WDR49: variants seen among roughly 807,000 people sequenced by gnomAD.
WDR49 encodes the protein cilia- and flagella-associated protein 337.
In WDR49, 107 loss-of-function variants were observed where a neutral mutation model predicts 119.5. The ratio of observed to expected loss-of-function variants is 0.90; its 90% CI spans 0.77 to 1.05. WDR49 has a LOEUF of 1.05. WDR49 is among the 50% of genes least tolerant of loss of function. The probability of loss-of-function intolerance (pLI) is 0.00; values close to 1 mark genes in which losing one functional copy is unlikely to be tolerated. For missense variants in WDR49, 1,240 were observed against 1,220.5 expected (o/e 1.02, Z -0.24); for synonymous variants, 425 against 418.8 (o/e 1.01, Z -0.18).
At chr3:167,581,752 T>C (rs909272534) in intron 7 of WDR49, among the ~76,000 whole-genome samples, 3 of 152,188 alleles carry the variant, frequency 2.0e-5, no homozygotes, top group Non-Finnish European at 4.4e-5. Flanking sequence ...TAAATAGATG[T>C]GTGAATGGAT....
chr3:167,627,172 C>T lies in WDR49; in HGVS notation c.286G>A (p.Ala96Thr), dbSNP rs1259854637. The T allele has an allele frequency of 4.8e-6, 6 of 1,259,704 alleles. No individual in the cohort carries two copies. The highest frequency in any genetic ancestry group is 6.0e-6 in the Non-Finnish European group (6 of 1,003,578). The allele number at this position is 1,259,704 out of a possible 1,614,324, so 78.0% of individuals were successfully genotyped here. A position where few individuals can be genotyped will look rare whatever the true frequency, so the allele number is the denominator to read the frequency against. ...YGELFDKVDV[A>T]QDGFINWDKL... ...TCCCAATTAATGAAGCCATCTTGGG[C>T]CACATCCACTTTGTCAAAGAGCTCC... The change falls in exon 3 of 19, where the codon GCC becomes ACC. Residue 96 changes from alanine (A) to threonine (T), a missense_variant. Ala to Thr is a moderately conservative substitution (Grantham distance 58). Coordinates refer to ENST00000682715, the MANE Select transcript of WDR49 (RefSeq NM_001366157.1).
intron 7 of WDR49, among the ~76,000 whole-genome samples, chr3:167,587,010 A>G (rs900183154): frequency 5.9e-5 from 9 of 152,258 alleles, no homozygotes; most frequent in East Asian, 1.9e-4. Context: ...TTTATTGGGG[A>G]CCTGGTATAT....
At chr3:167,525,478 TG>T (rs1245643557) in intron 15 of WDR49, among the ~76,000 whole-genome samples, 1 of 152,116 alleles carries the variant, frequency 6.6e-6, no homozygotes, top group Non-Finnish European at 1.5e-5. Context: ...ATTGTTTAAA[TG>T]TGGGCAACTA....
At chr3:167,604,913 T>C (rs1386890802) in intron 5 of WDR49, among the ~76,000 whole-genome samples, 2 of 152,140 alleles carry the variant, frequency 1.3e-5, no homozygotes, top group Admixed American at 1.3e-4. Context: ...CCTCCAGAAC[T>C]GTGAGAATAA....
upstream of WDR49, among the ~76,000 whole-genome samples, chr3:167,657,566 A>G (rs551157457): frequency 2.8e-5 from 4 of 142,038 alleles, no homozygotes; most frequent in African/African-American, 1.0e-4. Flanking sequence ...ACCAACATAT[A>G]GATCTCCCTT....
Position 167,626,970 on chromosome 3 carries a change from A to G in WDR49, c.488T>C (p.Leu163Ser). The G allele has an allele frequency of 7.5e-7, 1 of 1,339,188 alleles. No individual in the cohort carries two copies. The highest frequency in any genetic ancestry group is 9.6e-7 in the Non-Finnish European group (1 of 1,046,710). 83.0% of individuals were successfully genotyped at this position (1,339,188 alleles called of 1,614,324 possible). The change falls in exon 3 of 19, where the codon TTA (leucine) becomes TCA (serine). Residue 163 changes from leucine to serine, a missense_variant. Leu to Ser is a moderately radical substitution (Grantham distance 145). Transcript: ENST00000682715. ...SHYLTISKEG[L>S]LAIWGEHLKL... ...TAAATGCTCTCCCCAGATTGCCAAT[A>G]AACCTTCTTTACTAATTGTCAGATA... is the stretch of plus-strand genomic sequence containing the variant.
intron 16 of WDR49, among the ~76,000 whole-genome samples, chr3:167,506,141 G>C (rs2108214944): frequency 6.6e-6 from 1 of 152,274 alleles, no homozygotes; most frequent in Non-Finnish European, 1.5e-5. Flanking sequence ...TGGGGATCTT[G>C]ACTCACCCTC....
At chr3:167,541,308 C>A (rs1435983853) in intron 10 of WDR49, among the ~76,000 whole-genome samples, 1 of 152,130 alleles carries the variant, frequency 6.6e-6, no homozygotes, top group Non-Finnish European at 1.5e-5. Flanking sequence ...GCAAAAGCAT[C>A]AGCTAATCTA....
intron 7 of WDR49, among the ~76,000 whole-genome samples, chr3:167,587,490 A>G (rs1357517804): frequency 1.3e-5 from 2 of 151,766 alleles, no homozygotes; most frequent in Admixed American, 6.6e-5. Flanking sequence ...CTTTTTTTTC[A>G]CTTTTTCTTT....
intron 11 of WDR49, among the ~76,000 whole-genome samples, chr3:167,536,041 A>G (rs1445294669): frequency 6.6e-6 from 1 of 152,098 alleles, no homozygotes; most frequent in Admixed American, 6.6e-5. Flanking sequence ...TTATTCTCAT[A>G]AAAGCAGAGT....
intron 2 of WDR49, among the ~76,000 whole-genome samples, chr3:167,645,754 T>C (rs1383898878): frequency 6.6e-6 from 1 of 152,116 alleles, no homozygotes; most frequent in East Asian, 1.9e-4. Context: ...TCATGGCCTC[T>C]CTCCTCCAGA....
At chr3:167,515,402 A>G (rs1021355371) in intron 16 of WDR49, among the ~76,000 whole-genome samples, 1 of 152,214 alleles carries the variant, frequency 6.6e-6, no homozygotes, top group Non-Finnish European at 1.5e-5. Flanking sequence ...GATTACCTCA[A>G]TAGGTACAGA....
chr3:167,569,197 C>T (rs1377986102), intron 8 of WDR49, among the ~76,000 whole-genome samples: 4 of 152,156 alleles, frequency 2.6e-5, no homozygotes, highest in Non-Finnish European at 5.9e-5. Flanking sequence ...CCTCCTTGGC[C>T]TCCCAAAGTG....
rs1157440889 is a variant in WDR49 at position 167,560,074 on chromosome 3, C to T, written c.1664G>A (p.Gly555Glu). ...ETRLLTGSTD[G>E]TVKIWDFNGY... Reference sequence around the variant, plus strand: ...TCATTGTGTTCGCACCTTTACAGTCCCATCTGTGCTGCCAGTCAAAAGCCG... The same window carrying T: ...TCATTGTGTTCGCACCTTTACAGTCTCATCTGTGCTGCCAGTCAAAAGCCG... The change falls in exon 9 of 19, where the codon GGG becomes GAG. Residue 555 changes from glycine (G) to glutamate (E), a missense_variant. Transcript: ENST00000682715. 1.2e-6 allele frequency: 2 copies of T among 1,613,902 alleles called. No individual in the cohort carries two copies. The highest frequency in any genetic ancestry group is 1.6e-4 in the Middle Eastern group (1 of 6,082).
Position 167,598,930 on chromosome 3 carries a change from C to G in WDR49, c.1275+3197G>C, listed in dbSNP as rs534954681. 4.6e-5 allele frequency among the ~76,000 whole-genome samples: 7 copies of G among 152,254 alleles called. No individual in the cohort carries two copies. The South Asian group carries it at 1.5e-3, about 32-fold the overall frequency. On this transcript the variant is annotated intron_variant, in intron 7 of 18. Coordinates refer to ENST00000682715, the MANE Select transcript of WDR49 (RefSeq NM_001366157.1). ...TTCTCTCACCTTACTTTCTACCAAACAAATAGAGTCTCTCTGTCTCTATTC... is the reference window on the plus strand; with the variant it reads ...TTCTCTCACCTTACTTTCTACCAAAGAAATAGAGTCTCTCTGTCTCTATTC...
chr3:167,575,684 G>A (rs1714209857), intron 8 of WDR49, among the ~76,000 whole-genome samples: 1 of 152,216 alleles, frequency 6.6e-6, no homozygotes, highest in African/African-American at 2.4e-5. Flanking sequence ...CTGGAATGCT[G>A]TAATTCCTTA....
chr3:167,565,290 C>T (rs1713525753), intron 8 of WDR49, among the ~76,000 whole-genome samples: 1 of 151,266 alleles, frequency 6.6e-6, no homozygotes. Context: ...GATCTAGACA[C>T]TGGTGATCCA....
At chr3:167,507,670 C>T (rs79847019) in intron 16 of WDR49, among the ~76,000 whole-genome samples, 1,539 of 152,246 alleles carry the variant, frequency 0.01, 24 homozygotes, top group African/African-American at 0.036. Flanking sequence ...TGCTTTCTGA[C>T]TATCTCATCC....
chr3:167,495,424 G>T (rs1230598959), intron 18 of WDR49, among the ~76,000 whole-genome samples: 3 of 151,922 alleles, frequency 2.0e-5, no homozygotes, highest in Non-Finnish European at 2.9e-5. Flanking sequence ...GATTAGATGG[G>T]CTTAAAAGCA....
Sources: gnomAD v4.1 joint callset for allele counts (sites outside exome capture counted in the v4.1 genomes callset) on GRCh38, gnomAD v4.1.1 for gene constraint, MANE v1.5 for transcripts, NCBI Gene and HGNC (gene_info 2026-07-23, HGNC 2026-07-21) for gene names.